Variants in MAL2 observed in about 807,000 individuals in gnomAD.
The protein encoded by MAL2 is protein MAL2.
In MAL2, 17 loss-of-function variants were observed where a neutral mutation model predicts 18.1. The ratio of observed to expected loss-of-function variants is 0.94; its 90% CI spans 0.64 to 1.41. The LOEUF (loss-of-function observed/expected upper bound fraction) is 1.41. Among genes scored for constraint, MAL2 ranks in the 40% most tolerant of loss-of-function variants. The pLI is 0.00. For synonymous variants in MAL2, 102 were observed against 102.3 expected (o/e 1.00, Z 0.02); for missense variants, 222 against 231.9 (o/e 0.96, Z 0.28).
At chr8:119,224,879 C>T (rs1817551295) in intron 2 of MAL2, among the ~76,000 whole-genome samples, 1 of 152,134 alleles carries the variant, frequency 6.6e-6, no homozygotes, top group Admixed American at 6.5e-5. Flanking sequence ...TACATTTTGT[C>T]AGCTATATTT....
Position 119,239,080 on chromosome 8 carries a change from G to GA in MAL2, c.304-1076dup, listed in dbSNP as rs968815453. Among the ~76,000 whole-genome samples the GA allele has an allele frequency of 2.2e-4, 33 of 149,094 alleles. 1 individual carries two copies. Among genetic ancestry groups the GA allele is most frequent in the South Asian group, 1.1e-3 (5 of 4,642 alleles). On this transcript the variant is annotated intron_variant, in intron 2 of 3. Coordinates refer to ENST00000614891, the MANE Select transcript of MAL2 (RefSeq NM_052886.3). ...ACAATGAACTCAAACAAATTTACAA[G>GA]AAAAAAAAACAACCCCATCAAAAAG...
chr8:119,238,145 T>G (rs201343338), intron 2 of MAL2, among the ~76,000 whole-genome samples: 3 of 152,128 alleles, frequency 2.0e-5, no homozygotes, highest in African/African-American at 7.2e-5. Context: ...ACCAATAACA[T>G]ACAAACAGGG....
intron 1 of MAL2, among the ~76,000 whole-genome samples, chr8:119,217,351 T>C (rs1355833140): frequency 2.6e-5 from 4 of 152,192 alleles, no homozygotes; most frequent in African/African-American, 7.2e-5. Flanking sequence ...GTACTTCTGG[T>C]ATGTACCCAG....
Position 119,232,852 on chromosome 8 carries a change from A to T in MAL2, c.304-7313A>T, listed in dbSNP as rs577041898. ...GCATCTTAATCCAAATTAAAATTAC[A>T]TATTATTAGGAGCAGGTTGTTCAGT... On this transcript the variant is annotated intron_variant, in intron 2 of 3. Coordinates refer to ENST00000614891, the MANE Select transcript of MAL2 (RefSeq NM_052886.3). Among the ~76,000 whole-genome samples the T allele has an allele frequency of 3.3e-5, 5 of 152,308 alleles. No individual in the cohort carries two copies. The South Asian group carries it at 1.0e-3, about 32-fold the overall frequency.
intron 2 of MAL2, among the ~76,000 whole-genome samples, chr8:119,228,059 GA>G: frequency 6.6e-6 from 1 of 152,234 alleles, no homozygotes; most frequent in South Asian, 2.1e-4. Context: ...TAGATCACCT[GA>G]GGTCTACATA....
intron 1 of MAL2, among the ~76,000 whole-genome samples, chr8:119,220,330 T>C (rs1817442678): frequency 6.6e-6 from 1 of 152,202 alleles, no homozygotes; most frequent in Non-Finnish European, 1.5e-5. Flanking sequence ...CTGTCCTCAG[T>C]GTTCTGATTC....
intron 2 of MAL2, among the ~76,000 whole-genome samples, chr8:119,236,464 T>A (rs1200279012): frequency 6.6e-6 from 1 of 150,970 alleles, no homozygotes; most frequent in Non-Finnish European, 1.5e-5. Context: ...CCTACAGAAC[T>A]CTCCACCCCA....
At chr8:119,238,728 GA>G (rs1440973028) in intron 2 of MAL2, among the ~76,000 whole-genome samples, 1 of 150,450 alleles carries the variant, frequency 6.6e-6, no homozygotes, top group Non-Finnish European at 1.5e-5. Context: ...GCCATATGTA[GA>G]AAGCTGAAAC....
At chr8:119,219,697 G>A (rs964875611) in intron 1 of MAL2, among the ~76,000 whole-genome samples, 7 of 152,136 alleles carry the variant, frequency 4.6e-5, no homozygotes, top group African/African-American at 1.4e-4. Flanking sequence ...TTACTGTGTA[G>A]ATTAATAAAT....
intron 2 of MAL2, among the ~76,000 whole-genome samples, chr8:119,227,703 A>G (rs1817623947): frequency 6.6e-6 from 1 of 152,208 alleles, no homozygotes; most frequent in South Asian, 2.1e-4. Flanking sequence ...CTCATACTGC[A>G]GATCCATTTC....
At chr8:119,212,888 A>G (rs1188846127) in intron 1 of MAL2, among the ~76,000 whole-genome samples, 2 of 152,204 alleles carry the variant, frequency 1.3e-5, no homozygotes, top group East Asian at 3.8e-4. Context: ...ATGCTAGGCC[A>G]AGGCATTGGA....
At chr8:119,223,736 G>A (rs1337155664) in intron 2 of MAL2, 1 of 152,084 alleles carries the variant, frequency 6.6e-6, no homozygotes, top group African/African-American at 2.4e-5. Flanking sequence ...TTGTCTTCAA[G>A]GAATTTATGA....
At chr8:119,239,641 A>C (rs1265478052) in intron 2 of MAL2, among the ~76,000 whole-genome samples, 2 of 151,680 alleles carry the variant, frequency 1.3e-5, no homozygotes, top group Admixed American at 6.6e-5. Context: ...GAAATTGGAA[A>C]TCATCATTCT....
rs1370985266 is a variant in MAL2 at position 119,244,386 on chromosome 8, A to C, written c.*898A>C. The C allele has an allele frequency of 6.6e-6, 1 of 152,198 alleles. No individual in the cohort carries two copies. Among genetic ancestry groups the C allele is most frequent in the East Asian group, 1.9e-4 (1 of 5,194 alleles). The allele number at this position is 152,198 out of a possible 1,614,324, so 9.4% of individuals were successfully genotyped here. A position where few individuals can be genotyped will look rare whatever the true frequency, so the allele number is the denominator to read the frequency against. ...AAACTTCAGTTGCTTAATCAAACTA[A>C]TGATAGTCTAACAACTGAGCAAGAT... On this transcript the variant is annotated 3_prime_UTR_variant, in exon 4 of 4. Transcript: ENST00000614891.
At chr8:119,229,134 C>G (rs1007441865) in intron 2 of MAL2, among the ~76,000 whole-genome samples, 3 of 152,174 alleles carry the variant, frequency 2.0e-5, no homozygotes, top group African/African-American at 7.2e-5. Flanking sequence ...ACGTAGCATT[C>G]TAAAGTGATG....
At chr8:119,231,025 T>A (rs1041590029) in intron 2 of MAL2, among the ~76,000 whole-genome samples, 2 of 152,066 alleles carry the variant, frequency 1.3e-5, no homozygotes, top group Admixed American at 1.3e-4. Context: ...GAGAACAGTT[T>A]TTTTTTTTAT....
intron 2 of MAL2, among the ~76,000 whole-genome samples, chr8:119,226,403 C>CG (rs1270565683): frequency 2.0e-3 from 303 of 149,530 alleles, no homozygotes; most frequent in African/African-American, 7.2e-3. Flanking sequence ...GGAATCCTTT[C>CG]CCCCCCTTTT....
intron 2 of MAL2, among the ~76,000 whole-genome samples, chr8:119,221,990 C>T (rs1016093219): frequency 6.6e-6 from 1 of 152,198 alleles, no homozygotes; most frequent in South Asian, 2.1e-4. Flanking sequence ...ACTCCTACAA[C>T]TTAGATAACT....
At chr8:119,235,840 T>C (rs1443816096) in intron 2 of MAL2, among the ~76,000 whole-genome samples, 1 of 129,940 alleles carries the variant, frequency 7.7e-6, no homozygotes, top group Non-Finnish European at 1.6e-5. Flanking sequence ...TGCAAAATCA[T>C]GCCAAAATGT....
Sources: allele counts gnomAD v4.1 joint callset (sites outside exome capture counted in the v4.1 genomes callset), GRCh38; gene constraint gnomAD v4.1.1; transcripts MANE v1.5; gene names NCBI Gene and HGNC (gene_info 2026-07-23, HGNC 2026-07-21).